MED7: variants seen among roughly 807,000 people sequenced by gnomAD.
The protein encoded by MED7 is mediator complex subunit 7, also known as mediator of RNA polymerase II transcription subunit 7.
In MED7, 7 loss-of-function variants were observed where a neutral mutation model predicts 16.6. The observed-to-expected ratio is 0.42, with a 90% CI of 0.24 to 0.79. The LOEUF (loss-of-function observed/expected upper bound fraction) is 0.79. Ranked by LOEUF, MED7 falls within the 30% of genes least tolerant of loss-of-function variation. MED7 has a pLI of 0.27. For missense variants in MED7, 240 were observed against 286.3 expected, an observed-to-expected ratio of 0.84 and a Z score of 1.17; for synonymous variants, 88 against 90.5, an observed-to-expected ratio of 0.97 and a Z score of 0.16.
In MED7 at chr5:157,138,737, C is replaced by T. The variant is rs772401096; in HGVS notation, c.695G>A (p.Arg232Lys). 162 of 1,580,068 alleles carry T rather than the reference C, an allele frequency of 1.0e-4. No homozygotes were observed. Among genetic ancestry groups the T allele is most frequent in the Non-Finnish European group, 1.0e-4 (117 of 1,164,056 alleles). Residue 232 changes from arginine to lysine, a missense_variant, in exon 2 of 2, where the codon AGA becomes AAA. Transcript: ENST00000286317. ...AAGAAAAAGAAACATCTTTCATGGTCTTTCATTCATCTCATCAATTAGGAC... is the reference window on the plus strand; with the variant it reads ...AAGAAAAAGAAACATCTTTCATGGTTTTTCATTCATCTCATCAATTAGGAC... ...LCVLIDEMNERP is the reference protein window; with the variant it reads ...LCVLIDEMNEKP
In MED7 at chr5:157,138,396, G is replaced by T. The variant is rs569781505; in HGVS notation, c.*334C>A. 4 of 207,812 alleles carry T rather than the reference G, an allele frequency of 1.9e-5. No individual in the cohort carries two copies. Among genetic ancestry groups the T allele is most frequent in the Non-Finnish European group, 3.8e-5 (4 of 105,154 alleles). 12.9% of individuals were successfully genotyped at this position (207,812 alleles called of 1,614,324 possible). A position where few individuals can be genotyped will look rare whatever the true frequency, so the allele number is the denominator to read the frequency against. On this transcript the variant is annotated 3_prime_UTR_variant, in exon 2 of 2. Transcript: ENST00000286317. ...TATCCATTTATCTATCATTCTTAAAGCAAATGCTAAATCCCCTTTTCAAAG... is the reference window on the plus strand; with the variant it reads ...TATCCATTTATCTATCATTCTTAAATCAAATGCTAAATCCCCTTTTCAAAG...
Position 157,138,764 on chromosome 5 carries a change from C to T in MED7, c.668G>A (p.Cys223Tyr). The change falls in exon 2 of 2, where the codon TGT (cysteine) becomes TAT (tyrosine). Residue 223 changes from cysteine (C) to tyrosine (Y), a missense_variant. Cys to Tyr is a radical substitution (Grantham distance 194). Coordinates refer to ENST00000286317, the MANE Select transcript of MED7 (RefSeq NM_004270.5). ...DQIIEKDAAL[C>Y]VLIDEMNERP The stretch of plus-strand genomic sequence containing the variant: ...TTCATTCATCTCATCAATTAGGACA[C>T]ACAAGGCAGCATCTTTCTCTATAAT... 1 of 1,610,916 alleles carries T rather than the reference C, an allele frequency of 6.2e-7. No individual in the cohort carries two copies. Among genetic ancestry groups the T allele is most frequent in the Non-Finnish European group, 8.5e-7 (1 of 1,178,486 alleles).
intron 1 of MED7, among the ~76,000 whole-genome samples, chr5:157,141,375 C>T (rs868672799): frequency 1.3e-5 from 2 of 151,754 alleles, no homozygotes; most frequent in Non-Finnish European, 2.9e-5. Context: ...CCACCGTGCC[C>T]GGCAGAAAAT....
At chr5:157,142,133 C>T (rs959659107) in intron 1 of MED7, among the ~76,000 whole-genome samples, 2 of 152,314 alleles carry the variant, frequency 1.3e-5, no homozygotes, top group Admixed American at 1.3e-4. Context: ...CTAGATGGAA[C>T]TTTTCAAAGG....
At position 157,138,846 on chromosome 5, in the gene MED7, T is replaced by C; in HGVS notation, c.586A>G (p.Asn196Asp). ...TGATGTTCATTCTGTCCAGTACAAT[T>C]GTTGCTATCATCAGCATCCATTGGT... ...TEPMDADDSN[N>D]CTGQNEHQRE... Residue 196 changes from asparagine (N) to aspartate (D), a missense_variant, in exon 2 of 2, where the codon AAT becomes GAT. By Grantham distance (23) the Asn-to-Asp change is conservative (BLOSUM62 1). Coordinates refer to ENST00000286317, the MANE Select transcript of MED7 (RefSeq NM_004270.5). The C allele has an allele frequency of 6.2e-7, 1 of 1,614,142 alleles. No homozygotes were observed. Among genetic ancestry groups the C allele is most frequent in the South Asian group, 1.1e-5 (1 of 91,086 alleles).
chr5:157,141,142 A>G (rs1275351134), intron 1 of MED7, among the ~76,000 whole-genome samples: 1 of 152,066 alleles, frequency 6.6e-6, no homozygotes, highest in Non-Finnish European at 1.5e-5. Context: ...GTGCAGTGGC[A>G]CGATCTCGGC....
intron 1 of MED7, among the ~76,000 whole-genome samples, chr5:157,141,435 G>A (rs1233355401): frequency 6.6e-6 from 1 of 152,062 alleles, no homozygotes; most frequent in Non-Finnish European, 1.5e-5. Context: ...TTTTAGGTGA[G>A]GAGTGCTGCT....
rs753200144 is a variant in MED7, at chr5:157,139,365, C to T, written c.67G>A (p.Asp23Asn). The T allele has an allele frequency of 4.3e-6, 7 of 1,610,960 alleles. No individual in the cohort carries two copies. The highest frequency in any genetic ancestry group is 5.9e-6 in the Non-Finnish European group (7 of 1,178,794). The change falls in exon 2 of 2, where the codon GAT (aspartate) becomes AAT (asparagine). Residue 23 changes from aspartate to asparagine, a missense_variant. By Grantham distance (23) the Asp-to-Asn change is conservative. Transcript: ENST00000286317. ...GCTAAGCCTTCTTGAATATTTTCAT[C>T]CGTATATTCCTTGATATATTGCATT... ...PPMQYIKEYT[D>N]ENIQEGLAPK...
chr5:157,140,638 G>A (rs1268647798), intron 1 of MED7, among the ~76,000 whole-genome samples: 1 of 152,054 alleles, frequency 6.6e-6, no homozygotes, highest in African/African-American at 2.4e-5. Context: ...CGCCCTCCTA[G>A]GCTCAAGCGA....
Position 157,138,743 on chromosome 5 carries a change from T to G in MED7, c.689A>C (p.Asn230Thr), listed in dbSNP as rs1554097400. 1 of 1,591,848 alleles carries G rather than the reference T, an allele frequency of 6.3e-7. No homozygotes were observed. The highest frequency in any genetic ancestry group is 1.4e-5 in the African/African-American group (1 of 73,788). The change falls in exon 2 of 2, where the codon AAT becomes ACT. Residue 230 changes from asparagine (N) to threonine (T), a missense_variant. Coordinates refer to ENST00000286317, the MANE Select transcript of MED7 (RefSeq NM_004270.5). ...AALCVLIDEMNERP is the reference protein window; with the variant it reads ...AALCVLIDEMTERP ...AAGAAACATCTTTCATGGTCTTTCA[T>G]TCATCTCATCAATTAGGACACACAA...
Position 157,139,161 on chromosome 5 carries a change from C to T in MED7, c.271G>A (p.Asp91Asn). 1 of 1,613,092 alleles carries T rather than the reference C, an allele frequency of 6.2e-7. No homozygotes were observed. The highest frequency in any genetic ancestry group is 8.5e-7 in the Non-Finnish European group (1 of 1,179,636). The change falls in exon 2 of 2, where the codon GAC becomes AAC. Residue 91 changes from aspartate (D) to asparagine (N), a missense_variant. Transcript: ENST00000286317. ...LNMSILINFL[D>N]LLDILIRSPG... ...CTCCTTATTAAAATATCTAAAAGGT[C>T]CAAGAAATTAATAAGGATAGACATA... is the stretch of plus-strand genomic sequence containing the variant.
rs111310024 is a variant in MED7, at chr5:157,139,875, C to G, written c.-17-427G>C. 9.9e-3 allele frequency among the ~76,000 whole-genome samples: 1,513 copies of G among 152,208 alleles called. 26 individuals carry two copies. The highest frequency in any genetic ancestry group is 0.035 in the African/African-American group (1,441 of 41,522). ...CAATAGCAAACACTTACTTGTATCT[C>G]TCATAAACACTCTGACAAAATTAAC... is the stretch of plus-strand genomic sequence containing the variant. On this transcript the variant is annotated intron_variant, in intron 1 of 1. Coordinates refer to ENST00000286317, the MANE Select transcript of MED7 (RefSeq NM_004270.5).
At chr5:157,142,209 C>A (rs2113713315) in intron 1 of MED7, among the ~76,000 whole-genome samples, 1 of 152,312 alleles carries the variant, frequency 6.6e-6, no homozygotes, top group East Asian at 1.9e-4. Flanking sequence ...ACTCAAGATC[C>A]AACATCTAGT....
chr5:157,139,880 A>ATC, intron 1 of MED7, among the ~76,000 whole-genome samples: 1 of 152,142 alleles, frequency 6.6e-6, no homozygotes, highest in East Asian at 1.9e-4. Flanking sequence ...TATCTCTCAT[A>ATC]AACACTCTGA....
rs755522445 is a variant in MED7, at chr5:157,139,204, T to C, written c.228A>G (p.Lys76=). ...RLHPMQFDHK[K]ELRKLNMSIL... ...TAGACATATTAAGTTTTCTCAGTTC[T>C]TTCTTGTGATCAAACTGCATAGGAT... Residue 76 remains lysine, a synonymous_variant, in exon 2 of 2, where the codon AAA becomes AAG. Transcript: ENST00000286317. The C allele has an allele frequency of 1.9e-6, 3 of 1,612,222 alleles. No individual in the cohort carries two copies. Among genetic ancestry groups the C allele is most frequent in the East Asian group, 4.5e-5 (2 of 44,882 alleles).
chr5:157,141,903 C>A (rs1472799871), intron 1 of MED7, among the ~76,000 whole-genome samples: 1 of 152,104 alleles, frequency 6.6e-6, no homozygotes, highest in Admixed American at 6.6e-5. Flanking sequence ...GAATTAAGTT[C>A]TATTATCAAT....
At chr5:157,142,555 C>T (rs1449313686) in intron 1 of MED7, 1 of 152,458 alleles carries the variant, frequency 6.6e-6, no homozygotes, top group Non-Finnish European at 1.5e-5. Flanking sequence ...CCAACCTCCA[C>T]TCCGGCTCGG....
intron 1 of MED7, among the ~76,000 whole-genome samples, chr5:157,141,690 G>A (rs1031690895): frequency 6.6e-6 from 1 of 152,116 alleles, no homozygotes; most frequent in African/African-American, 2.4e-5. Flanking sequence ...CCGGGTTCAA[G>A]GGATTCTCCT....
chr5:157,139,310 C>T lies in MED7; in HGVS notation c.122G>A (p.Ser41Asn), dbSNP rs1300548229. The change falls in exon 2 of 2, where the codon AGT becomes AAT. Residue 41 changes from serine (S) to asparagine (N), a missense_variant. Ser to Asn is a conservative substitution (Grantham distance 46). Coordinates refer to ENST00000286317, the MANE Select transcript of MED7 (RefSeq NM_004270.5). The part of the protein sequence containing the change: ...APKPPPPIKD[S>N]YMMFGNQFQC... ...GAACTGATTGCCAAACATCATGTAA[C>T]TGTCTTTTATTGGAGGGGGAGGCTT... 6.2e-7 allele frequency: 1 copy of T among 1,613,966 alleles called. No homozygotes were observed. Among genetic ancestry groups the T allele is most frequent in the African/African-American group, 1.3e-5 (1 of 74,892 alleles).
Sources: allele counts gnomAD v4.1 joint callset (sites outside exome capture counted in the v4.1 genomes callset), GRCh38; gene constraint gnomAD v4.1.1; transcripts MANE v1.5; gene names NCBI Gene and HGNC (gene_info 2026-07-23, HGNC 2026-07-21).